SPTB: variants seen among roughly 807,000 people sequenced by gnomAD.
SPTB encodes spectrin beta, erythrocytic, also known as spectrin beta chain, erythrocytic.
A neutral mutation model predicts 256.2 loss-of-function variants in SPTB; 45 were observed. The ratio of observed to expected loss-of-function variants is 0.18; its 90% CI spans 0.14 to 0.23. The LOEUF is 0.23. Among genes scored for constraint, SPTB ranks in the 10% least tolerant of loss-of-function variants. SPTB has a pLI of 1.00. For synonymous variants in SPTB, 1,231 were observed against 1,243.1 expected, an observed-to-expected ratio of 0.99 and a Z score of 0.21; for missense variants, 2,715 against 3,040.4, an observed-to-expected ratio of 0.89 and a Z score of 2.52.
In SPTB at chr14:64,845,964, T is replaced by C. The variant is rs1374825568; in HGVS notation, c.-51-22819A>G. Among the ~76,000 whole-genome samples the C allele has an allele frequency of 6.6e-6, 1 of 152,214 alleles. No individual in the cohort carries two copies. The highest frequency in any genetic ancestry group is 1.5e-5 in the Non-Finnish European group (1 of 68,036). ...GAGTATGGAGTTCAGATGAAATTTG[T>C]AATGACTTCATGGTCCTTAAAAAAC... is the stretch of plus-strand genomic sequence containing the variant. On this transcript the variant is annotated intron_variant, in intron 1 of 35. Transcript: ENST00000644917. The surrounding 1 kb of genome is among the most constrained non-coding windows in gnomAD (Gnocchi z 4.8).
chr14:64,792,790 G>A lies in SPTB; in HGVS notation c.2666+207C>T, dbSNP rs1428313363. ...ACTAGATAAATTCCCTTTGTTTGAG[G>A]AACACAAGGCCCCAAAGGGTGAAGT... On this transcript the variant is annotated intron_variant, in intron 14 of 35. Coordinates refer to ENST00000644917, the MANE Select transcript of SPTB (RefSeq NM_001355436.2). The surrounding 1 kb of genome is among the most constrained non-coding windows in gnomAD (Gnocchi z 4.2). Among the ~76,000 whole-genome samples, 1 of 152,154 alleles carries A rather than the reference G, an allele frequency of 6.6e-6. No homozygotes were observed. The highest frequency in any genetic ancestry group is 6.5e-5 in the Admixed American group (1 of 15,272).
In SPTB at chr14:64,792,433, C is replaced by A. The variant is rs146224513; in HGVS notation, c.2666+564G>T. Among the ~76,000 whole-genome samples, 1 of 152,160 alleles carries A rather than the reference C, an allele frequency of 6.6e-6. No homozygotes were observed. Among genetic ancestry groups the A allele is most frequent in the African/African-American group, 2.4e-5 (1 of 41,438 alleles). On this transcript the variant is annotated intron_variant, in intron 14 of 35. Transcript: ENST00000644917. The surrounding 1 kb of genome is among the most constrained non-coding windows in gnomAD (Gnocchi z 4.2). ...ACCACCTTGGCACTGTTCCAGAGAG[C>A]GGCCTCTCCTTCTCCTGACTGCCTG...
At chr14:64,774,855 G>A (rs1469286804) in intron 23 of SPTB, among the ~76,000 whole-genome samples, 1 of 151,766 alleles carries the variant, frequency 6.6e-6, no homozygotes, top group African/African-American at 2.4e-5. Context: ...CTTTCATAGC[G>A]TACAGAATCC....
At position 64,749,221 on chromosome 14, in the gene SPTB, G is replaced by C. The variant is rs914175934; in HGVS notation, c.*85C>G. On this transcript the variant is annotated 3_prime_UTR_variant, in exon 36 of 36. Transcript: ENST00000644917. The surrounding 1 kb of genome is among the most constrained non-coding windows in gnomAD (Gnocchi z 4.7). ...CGACTCGACTCATCTCGATTCGACCGGCGGGCGGCGGCGAGAGGAGGCCAA... is the reference window on the plus strand; with the variant it reads ...CGACTCGACTCATCTCGATTCGACCCGCGGGCGGCGGCGAGAGGAGGCCAA... 1.4e-6 allele frequency: 2 copies of C among 1,480,202 alleles called. No homozygotes were observed. Among genetic ancestry groups the C allele is most frequent in the Non-Finnish European group, 1.8e-6 (2 of 1,100,144 alleles). 91.7% of individuals were successfully genotyped at this position (1,480,202 alleles called of 1,614,324 possible). A position where few individuals can be genotyped will look rare whatever the true frequency, so the allele number is the denominator to read the frequency against.
chr14:64,773,292 C>T lies in SPTB; in HGVS notation c.5106G>A (p.Leu1702=). Residue 1702 remains leucine, a synonymous_variant, in exon 25 of 36, where the codon CTG becomes CTA. Transcript: ENST00000644917. ...LFQLKRETDD[L]EQWISEKELV... ...GCTCCTTTTCTGAAATCCACTGCTC[C>T]AGGTCGTCGGTCTCCCGCTTGAGCT... is the stretch of plus-strand genomic sequence containing the variant. 1.2e-6 allele frequency: 2 copies of T among 1,614,194 alleles called. No individual in the cohort carries two copies. The highest frequency in any genetic ancestry group is 1.7e-6 in the Non-Finnish European group (2 of 1,180,034).
rs2269298 is a variant in SPTB, at chr14:64,807,122, C to G, written c.149-2032G>C. ...CCAGCCACAGTCCCACAGTTTTTTC[C>G]CTAGAAACCAGATCTATTCTTTAAG... On this transcript the variant is annotated intron_variant, in intron 2 of 35. Coordinates refer to ENST00000644917, the MANE Select transcript of SPTB (RefSeq NM_001355436.2). This position sits in a 1 kb window ranked among gnomAD's most constrained non-coding sequence, Gnocchi z 4.7. 0.04 allele frequency among the ~76,000 whole-genome samples: 6,126 copies of G among 152,216 alleles called. 199 individuals are homozygous for G. Among genetic ancestry groups the G allele is most frequent in the East Asian group, 0.18 (928 of 5,170 alleles).
chr14:64,839,845 G>A (rs2139748730), intron 1 of SPTB, among the ~76,000 whole-genome samples: 1 of 152,324 alleles, frequency 6.6e-6, no homozygotes, highest in South Asian at 2.1e-4. Flanking sequence ...AGTGTCAAGA[G>A]AGAGGCATAA....
chr14:64,823,659 AGCCGCCACTGAC>A lies in SPTB; in HGVS notation c.-51-526_-51-515del, dbSNP rs969260814. 6.6e-6 allele frequency among the ~76,000 whole-genome samples: 1 copy of A among 152,200 alleles called. No individual in the cohort carries two copies. Among genetic ancestry groups the A allele is most frequent in the African/African-American group, 2.4e-5 (1 of 41,454 alleles). On this transcript the variant is annotated intron_variant, in intron 1 of 35. Transcript: ENST00000644917. This position sits in a 1 kb window ranked among gnomAD's most constrained non-coding sequence, Gnocchi z 6.5. ...TGGGGAGAGATGGATGAGAGAGTTA[AGCCGCCACTGAC>A]GCCACCAGCCCGGGGCAGCTGCACT...
At chr14:64,843,506 T>A (rs1336318015) in intron 1 of SPTB, among the ~76,000 whole-genome samples, 1 of 152,184 alleles carries the variant, frequency 6.6e-6, no homozygotes, top group Non-Finnish European at 1.5e-5. Flanking sequence ...AGCAGTAAAT[T>A]CCTTACTCTC....
rs1348896251 is a variant in SPTB, at chr14:64,785,867, A to G, written c.3646T>C (p.Ser1216Pro). Reference sequence around the variant, plus strand: ...ACCTTATCCCGGTTGTTCTCCATAGACCCCAAGAAATCCTCAAACTTCCGG... The same window carrying G: ...ACCTTATCCCGGTTGTTCTCCATAGGCCCCAAGAAATCCTCAAACTTCCGG... Reference protein sequence around the residue: ...GIRKFEDFLGSMENNRDKVLS... With the variant: ...GIRKFEDFLGPMENNRDKVLS... The change falls in exon 17 of 36, where the codon TCT becomes CCT. Residue 1216 changes from serine to proline, a missense_variant. Physicochemically the swap from Ser to Pro is moderately conservative, Grantham distance 74. Around this residue, in one of 4 missense-constraint regions of SPTB, gnomAD observed 2,239 missense variants for 2,384.4 expected, o/e 0.94. Coordinates refer to ENST00000644917, the MANE Select transcript of SPTB (RefSeq NM_001355436.2). This position sits in a 1 kb window ranked among gnomAD's most constrained non-coding sequence, Gnocchi z 4.4. 6.2e-7 allele frequency: 1 copy of G among 1,613,724 alleles called. No homozygotes were observed. The highest frequency in any genetic ancestry group is 8.5e-7 in the Non-Finnish European group (1 of 1,179,986).
rs774891298 is a variant in SPTB, at chr14:64,823,042, C to T, written c.53G>A (p.Arg18Lys). Residue 18 changes from arginine (R) to lysine (K), a missense_variant, in exon 2 of 36, where the codon AGG becomes AAG. Arg to Lys is a conservative substitution (Grantham distance 26, BLOSUM62 2). Coordinates refer to ENST00000644917, the MANE Select transcript of SPTB (RefSeq NM_001355436.2). The surrounding 1 kb of genome is among the most constrained non-coding windows in gnomAD (Gnocchi z 6.5). ...TGGGGCGTCCCAGCGGGCATTGATC[C>T]TGCTGTAAGGTGGCTGGTTGCCCAC... ...ENVGNQPPYS[R>K]INARWDAPDD... 6.2e-6 allele frequency: 10 copies of T among 1,614,062 alleles called. No homozygotes were observed. Among genetic ancestry groups the T allele is most frequent in the African/African-American group, 1.3e-5 (1 of 74,940 alleles).
rs768683098 is a variant in SPTB, at chr14:64,750,064, A to G, written c.6693T>C (p.His2231=). The G allele has an allele frequency of 2.5e-6, 4 of 1,614,066 alleles. No homozygotes were observed. The Admixed American group carries it at 6.7e-5, about 27-fold the overall frequency. The change falls in exon 34 of 36, where the codon CAT becomes CAC. Residue 2231 remains histidine (H), a synonymous_variant. Transcript: ENST00000644917. The stretch of plus-strand genomic sequence containing the variant: ...GTCTCAGGGCCAGGGGTTCCTCCCC[A>G]TGGTAGGGCATCCCCAGGGCCAGGT... The part of the protein sequence containing the change: ...AKNLALGMPY[H]GEEPLALRHA...
At position 64,772,307 on chromosome 14, in the gene SPTB, G is replaced by C. The variant is rs1001760990; in HGVS notation, c.5553+273C>G. On this transcript the variant is annotated intron_variant, in intron 26 of 35. Coordinates refer to ENST00000644917, the MANE Select transcript of SPTB (RefSeq NM_001355436.2). This position sits in a 1 kb window ranked among gnomAD's most constrained non-coding sequence, Gnocchi z 5.4. ...ACCTGGTGCTAGAAAAGTGCTGTGC[G>C]TGTGTCCACTAATAGTACTGCACAA... is the stretch of plus-strand genomic sequence containing the variant. 6.6e-6 allele frequency among the ~76,000 whole-genome samples: 1 copy of C among 152,242 alleles called. No homozygotes were observed. The highest frequency in any genetic ancestry group is 1.5e-5 in the Non-Finnish European group (1 of 68,040).
At chr14:64,819,888 T>C (rs747228783) in intron 2 of SPTB, among the ~76,000 whole-genome samples, 78 of 152,328 alleles carry the variant, frequency 5.1e-4, no homozygotes, top group Non-Finnish European at 9.1e-4. Context: ...AAAACTTCCG[T>C]AAACTTTATC....
chr14:64,801,922 G>A (rs2082893778), intron 5 of SPTB, 88 bp from the exon 6 acceptor site: 55 of 1,311,448 alleles, frequency 4.2e-5, no homozygotes, highest in Non-Finnish European at 6.1e-5. Context: ...TATACCAGGA[G>A]AGAAATGGAA....
intron 12 of SPTB, 129 bp from the exon 13 acceptor site, chr14:64,794,746 G>T (rs751691571): frequency 7.5e-5 from 92 of 1,222,726 alleles, no homozygotes; most frequent in Admixed American, 1.4e-4. Flanking sequence ...GCCAGAAAAG[G>T]GCTGCTGCTG....
Position 64,841,938 on chromosome 14 carries a change from A to G in SPTB, c.-51-18793T>C, listed in dbSNP as rs913155677. The stretch of plus-strand genomic sequence containing the variant: ...AATGTTATCTGGAAGCAGCCGGGAC[A>G]AGAGCACCCCCAGTTCTGAGCACAG... On this transcript the variant is annotated intron_variant, in intron 1 of 35. Coordinates refer to ENST00000644917, the MANE Select transcript of SPTB (RefSeq NM_001355436.2). The surrounding 1 kb of genome is among the most constrained non-coding windows in gnomAD (Gnocchi z 4.6). Among the ~76,000 whole-genome samples the G allele has an allele frequency of 3.3e-5, 5 of 152,214 alleles. No homozygotes were observed. Among genetic ancestry groups the G allele is most frequent in the African/African-American group, 1.2e-4 (5 of 41,456 alleles).
At chr14:64,784,068 G>T (rs533102410) in intron 19 of SPTB, among the ~76,000 whole-genome samples, 179 bp downstream of exon 19, 1 of 152,346 alleles carries the variant, frequency 6.6e-6, no homozygotes, top group East Asian at 1.9e-4. Context: ...CTGACCAGGT[G>T]TACTAAGACT....
chr14:64,753,426 C>G, intron 33 of SPTB, 111 bp downstream of exon 33: 1 of 1,552,258 alleles, frequency 6.4e-7, no homozygotes, highest in Non-Finnish European at 8.7e-7. Context: ...CAGGCCAAGG[C>G]AGAAGGCACC....
Sources: gnomAD v4.1 joint callset for allele counts (sites outside exome capture counted in the v4.1 genomes callset) on GRCh38, gnomAD v4.1.1 for gene constraint, gnomAD v4.1.1 regional missense constraint, Gnocchi (gnomAD v3.1) non-coding constraint, MANE v1.5 for transcripts, NCBI Gene and HGNC (gene_info 2026-07-23, HGNC 2026-07-21) for gene names.